Variants in MGMT observed in about 807,000 individuals in gnomAD.
MGMT encodes methylated-DNA--protein-cysteine methyltransferase.
A neutral mutation model predicts 15.9 loss-of-function variants in MGMT; 14 were observed. That is an observed-to-expected ratio of 0.88 (90% CI 0.58 to 1.37). The LOEUF is 1.37. Ranked by LOEUF, MGMT falls within the 40% of genes most tolerant of loss-of-function variation. MGMT has a pLI of 0.00. For missense variants in MGMT, 282 were observed against 268.1 expected, an observed-to-expected ratio of 1.05 and a Z score of -0.36; for synonymous variants, 130 against 118.2, an observed-to-expected ratio of 1.10 and a Z score of -0.65.
At chr10:129,682,479 G>A (rs569885892) in intron 2 of MGMT, among the ~76,000 whole-genome samples, 3 of 151,956 alleles carry the variant, frequency 2.0e-5, no homozygotes, top group Admixed American at 2.0e-4. Flanking sequence ...CAGAGACTGG[G>A]GACAGATGAC....
At chr10:129,738,009 T>G (rs1460046848) in intron 3 of MGMT, among the ~76,000 whole-genome samples, 2 of 152,236 alleles carry the variant, frequency 1.3e-5, no homozygotes, top group African/African-American at 4.8e-5. Context: ...GTCTTTTTGT[T>G]GGTCTGTGCC....
At chr10:129,680,313 G>T (rs1847835599) in intron 2 of MGMT, among the ~76,000 whole-genome samples, 1 of 152,186 alleles carries the variant, frequency 6.6e-6, no homozygotes, top group African/African-American at 2.4e-5. Flanking sequence ...TATTTCGCGG[G>T]CATGATTTTG....
intron 3 of MGMT, among the ~76,000 whole-genome samples, chr10:129,720,551 A>C (rs1210780246): frequency 6.6e-6 from 1 of 152,184 alleles, no homozygotes; most frequent in African/African-American, 2.4e-5. Context: ...TTATGGACAA[A>C]ATGGACTCTT....
At chr10:129,500,951 A>C (rs1186577455) in intron 1 of MGMT, among the ~76,000 whole-genome samples, 1 of 152,192 alleles carries the variant, frequency 6.6e-6, no homozygotes, top group Non-Finnish European at 1.5e-5. Flanking sequence ...CTTTCATGTA[A>C]ATTTAAAACT....
At chr10:129,664,032 T>G (rs1589923100) in intron 2 of MGMT, among the ~76,000 whole-genome samples, 1 of 152,164 alleles carries the variant, frequency 6.6e-6, no homozygotes, top group East Asian at 1.9e-4. Context: ...ACTAATATAA[T>G]ATGGAAATAT....
chr10:129,611,279 C>T (rs1308596418), intron 2 of MGMT, among the ~76,000 whole-genome samples: 1 of 152,166 alleles, frequency 6.6e-6, no homozygotes, highest in Non-Finnish European at 1.5e-5. Flanking sequence ...GGAGAGGCCT[C>T]AGGAAACTTA....
intron 2 of MGMT, among the ~76,000 whole-genome samples, chr10:129,687,387 C>G (rs188513877): frequency 2.6e-5 from 4 of 152,060 alleles, no homozygotes; most frequent in African/African-American, 9.7e-5. Flanking sequence ...TAAGGAGCGC[C>G]GACGCCAAGG....
At chr10:129,645,118 C>CTTTTTTTTTTTTT (rs10606297) in intron 2 of MGMT, among the ~76,000 whole-genome samples, 4 of 121,936 alleles carry the variant, frequency 3.3e-5, no homozygotes, top group Non-Finnish European at 3.4e-5. Context: ...CCTGAAAGCC[C>CTTTTTTTTTTTTT]TTTTTTTTTT....
chr10:129,617,580 C>T (rs2133073035), intron 2 of MGMT, among the ~76,000 whole-genome samples: 1 of 152,204 alleles, frequency 6.6e-6, no homozygotes, highest in African/African-American at 2.4e-5. Context: ...TCTACAGCCT[C>T]ACCGGCATCT....
rs556676617 is a variant in MGMT at position 129,535,082 on chromosome 10, C to T, written c.-12-1159C>T. Among the ~76,000 whole-genome samples the T allele has an allele frequency of 4.6e-5, 7 of 152,348 alleles. No individual in the cohort carries two copies. The East Asian group carries it at 1.2e-3, about 25-fold the overall frequency. The stretch of plus-strand genomic sequence containing the variant: ...CCCCACAGGCTCTAATTTGTTGCCC[C>T]TGCTCCAGCCCCTTGATGTAGGGAG... On this transcript the variant is annotated intron_variant, in intron 1 of 4. Coordinates refer to ENST00000651593, the MANE Select transcript of MGMT (RefSeq NM_002412.5).
intron 2 of MGMT, among the ~76,000 whole-genome samples, chr10:129,588,958 G>A (rs149135333): frequency 0.02 from 3,035 of 152,356 alleles, 43 homozygotes; most frequent in Admixed American, 0.027. Flanking sequence ...TTTTGTAGGT[G>A]TCTCTGGCAG....
chr10:129,587,370 A>G (rs1273453758), intron 2 of MGMT, among the ~76,000 whole-genome samples: 2 of 136,478 alleles, frequency 1.5e-5, no homozygotes, highest in Non-Finnish European at 3.3e-5. Flanking sequence ...TATGTTTTTG[A>G]GTTCACTAAT....
chr10:129,580,645 C>T (rs958240285), intron 2 of MGMT, among the ~76,000 whole-genome samples: 12 of 152,226 alleles, frequency 7.9e-5, no homozygotes, highest in Non-Finnish European at 1.8e-4. Context: ...TCTCTAACCA[C>T]TAGCTACAAA....
intron 2 of MGMT, among the ~76,000 whole-genome samples, chr10:129,662,334 C>A (rs1280289254): frequency 1.3e-5 from 2 of 152,138 alleles, no homozygotes; most frequent in African/African-American, 4.8e-5. Context: ...GACCAGTCAT[C>A]CCAGCTCGCC....
chr10:129,751,118 C>A (rs1848746612), intron 3 of MGMT, among the ~76,000 whole-genome samples: 1 of 151,962 alleles, frequency 6.6e-6, no homozygotes, highest in African/African-American at 2.4e-5. Flanking sequence ...TCAAATCAAT[C>A]TTATTTTTAA....
chr10:129,758,763 C>T (rs1293470982), intron 3 of MGMT, among the ~76,000 whole-genome samples: 1 of 152,158 alleles, frequency 6.6e-6, no homozygotes, highest in East Asian at 1.9e-4. Context: ...CGCAGCCTGG[C>T]CTGTGGCTGC....
intron 3 of MGMT, among the ~76,000 whole-genome samples, chr10:129,746,373 A>G: frequency 6.6e-6 from 1 of 151,180 alleles, no homozygotes; most frequent in Non-Finnish European, 1.5e-5. Flanking sequence ...TTTGAAGGAC[A>G]TATCTAACAA....
At chr10:129,524,944 T>C (rs1307936549) in intron 1 of MGMT, among the ~76,000 whole-genome samples, 1 of 152,180 alleles carries the variant, frequency 6.6e-6, no homozygotes, top group African/African-American at 2.4e-5. Flanking sequence ...ACAAACCAAT[T>C]GTCAGTTAGA....
intron 2 of MGMT, among the ~76,000 whole-genome samples, chr10:129,593,555 C>G (rs1846715033): frequency 6.6e-6 from 1 of 152,224 alleles, no homozygotes; most frequent in Non-Finnish European, 1.5e-5. Context: ...TTAAAAAACA[C>G]AGTCATATCA....
Sources: gnomAD v4.1 joint callset for allele counts (sites outside exome capture counted in the v4.1 genomes callset) on GRCh38, gnomAD v4.1.1 for gene constraint, MANE v1.5 for transcripts, NCBI Gene and HGNC (gene_info 2026-07-23, HGNC 2026-07-21) for gene names.